Variants in TFDP2 observed in about 807,000 individuals in gnomAD.
TFDP2 encodes the protein transcription factor Dp-2 (E2F dimerization partner 2).
A neutral mutation model predicts 59.3 loss-of-function variants in TFDP2; 17 were observed. That is an observed-to-expected ratio of 0.29 (90% CI 0.20 to 0.43). TFDP2 has a LOEUF of 0.43. Ranked by LOEUF, TFDP2 falls within the 20% of genes least tolerant of loss-of-function variation. The pLI is 1.00. For synonymous variants in TFDP2, 180 were observed against 194.7 expected (o/e 0.92, Z 0.63); for missense variants, 391 against 528.8 (o/e 0.74, Z 2.56).
At chr3:142,094,748 C>G (rs955788539) in intron 2 of TFDP2, among the ~76,000 whole-genome samples, 1 of 152,070 alleles carries the variant, frequency 6.6e-6, no homozygotes, top group African/African-American at 2.4e-5. Flanking sequence ...AAATGATCAC[C>G]ACAGTCAAGC....
intron 11 of TFDP2, among the ~76,000 whole-genome samples, chr3:141,954,650 AC>A (rs1936356080): frequency 6.6e-6 from 1 of 152,070 alleles, no homozygotes; most frequent in East Asian, 1.9e-4. Flanking sequence ...AAACAAAAAA[AC>A]AAAAAAGTTA....
intron 3 of TFDP2, among the ~76,000 whole-genome samples, chr3:142,064,701 C>G (rs1204186985): frequency 1.3e-5 from 2 of 152,118 alleles, no homozygotes; most frequent in African/African-American, 2.4e-5. Flanking sequence ...ACAAGTGTCA[C>G]TGGATGTTAT....
At chr3:141,996,979 A>T (rs1943332091) in intron 4 of TFDP2, among the ~76,000 whole-genome samples, 1 of 152,212 alleles carries the variant, frequency 6.6e-6, no homozygotes, top group Non-Finnish European at 1.5e-5. Flanking sequence ...CTCATGAGAA[A>T]ACATAAAAAC....
chr3:142,088,767 T>C (rs2060897725), intron 3 of TFDP2, among the ~76,000 whole-genome samples: 1 of 151,798 alleles, frequency 6.6e-6, no homozygotes, highest in African/African-American at 2.4e-5. Context: ...TGAGCTACTG[T>C]GCCCAGACCA....
At chr3:142,112,538 G>C (rs1328513875) in intron 1 of TFDP2, among the ~76,000 whole-genome samples, 1 of 152,174 alleles carries the variant, frequency 6.6e-6, no homozygotes, top group Non-Finnish European at 1.5e-5. Context: ...TGGTAATAGG[G>C]AGCAAATGGG....
chr3:142,054,170 T>C (rs959234511), intron 3 of TFDP2: 1 of 152,208 alleles, frequency 6.6e-6, no homozygotes, highest in Non-Finnish European at 1.5e-5. Flanking sequence ...TGAAAACTTA[T>C]GTCAACACAT....
chr3:142,001,087 C>T (rs1943720304), intron 4 of TFDP2, among the ~76,000 whole-genome samples: 2 of 152,212 alleles, frequency 1.3e-5, no homozygotes, highest in African/African-American at 2.4e-5. Flanking sequence ...CTCCACCAAG[C>T]TTTGCCCTGG....
At chr3:142,055,993 G>A (rs577873425) in intron 3 of TFDP2, among the ~76,000 whole-genome samples, 10 of 111,242 alleles carry the variant, frequency 9.0e-5, no homozygotes, top group East Asian at 6.2e-4. Flanking sequence ...TCGCTCTGTC[G>A]CCCAGGCTGG....
intron 3 of TFDP2, among the ~76,000 whole-genome samples, chr3:142,053,002 G>A (rs537366271): frequency 2.0e-5 from 3 of 152,072 alleles, no homozygotes; most frequent in Admixed American, 6.5e-5. Context: ...TAGAGATGGG[G>A]TTTCACCGTG....
Position 141,974,138 on chromosome 3 carries a change from T to C in TFDP2, c.573A>G (p.Leu191=), listed in dbSNP as rs1288154094. ...CCTTTGAAATTATGTTCATTGCCAT[T>C]AGCACATTTAAAGCATCATAAACTC... is the stretch of plus-strand genomic sequence containing the variant. ...RRRVYDALNV[L]MAMNIISKEK... is the part of the protein sequence containing the mutation. Residue 191 remains leucine, a synonymous_variant, in exon 8 of 13, where the codon CTA becomes CTG. Coordinates refer to ENST00000489671, the MANE Select transcript of TFDP2 (RefSeq NM_001178139.2). 30 of 1,613,166 alleles carry C rather than the reference T, an allele frequency of 1.9e-5. No individual in the cohort carries two copies. Among genetic ancestry groups the C allele is most frequent in the Non-Finnish European group, 2.5e-5 (30 of 1,179,620 alleles).
At chr3:141,988,673 T>TC (rs1173622451) in intron 6 of TFDP2, among the ~76,000 whole-genome samples, 34 of 146,750 alleles carry the variant, frequency 2.3e-4, no homozygotes, top group Non-Finnish European at 3.9e-4. Flanking sequence ...TCTTTTCTTT[T>TC]TTTTTTTTTT....
At chr3:141,993,264 T>C (rs1272963817) in intron 6 of TFDP2, among the ~76,000 whole-genome samples, 10 of 152,070 alleles carry the variant, frequency 6.6e-5, no homozygotes, top group African/African-American at 2.2e-4. Context: ...GAGTATTCAC[T>C]TTGATAGAAC....
intron 1 of TFDP2, among the ~76,000 whole-genome samples, chr3:142,127,339 G>A (rs1305489657): frequency 2.4e-5 from 3 of 124,604 alleles, no homozygotes; most frequent in Admixed American, 1.0e-4. Flanking sequence ...ACAGAGTCTC[G>A]CTGTGTTGCC....
chr3:142,016,849 TCA>T (rs1277489507), intron 3 of TFDP2, among the ~76,000 whole-genome samples: 2 of 152,190 alleles, frequency 1.3e-5, no homozygotes, highest in African/African-American at 4.8e-5. Flanking sequence ...GCATCACATC[TCA>T]GTTAGCTTGA....
At chr3:141,967,920 ATGACTGTTGGCATGC>A (rs1191037119) in intron 9 of TFDP2, among the ~76,000 whole-genome samples, 1 of 152,160 alleles carries the variant, frequency 6.6e-6, no homozygotes, top group East Asian at 1.9e-4. Context: ...TGATAGGCAG[ATGACTGTTGGCATGC>A]TGATAAACAG....
intron 3 of TFDP2, among the ~76,000 whole-genome samples, chr3:142,018,110 T>C (rs1945283856): frequency 6.6e-6 from 1 of 152,034 alleles, no homozygotes; most frequent in Non-Finnish European, 1.5e-5. Context: ...GCTTGGCTAA[T>C]TTTTATACTT....
chr3:142,104,351 G>A (rs1560147939), intron 1 of TFDP2, among the ~76,000 whole-genome samples: 1 of 152,110 alleles, frequency 6.6e-6, no homozygotes, highest in East Asian at 1.9e-4. Flanking sequence ...AAGTTAAAAT[G>A]TTAAGTATTG....
chr3:142,001,994 T>C (rs1337713410), intron 4 of TFDP2, among the ~76,000 whole-genome samples: 1 of 148,124 alleles, frequency 6.8e-6, no homozygotes. Flanking sequence ...TGCCTGGTTT[T>C]TTTTTTTTTT....
At chr3:142,139,116 G>A (rs994102959) in intron 1 of TFDP2, among the ~76,000 whole-genome samples, 2 of 152,196 alleles carry the variant, frequency 1.3e-5, no homozygotes, top group South Asian at 2.1e-4. Flanking sequence ...GTACCACTGC[G>A]TAATGGCCTT....
Sources: gnomAD v4.1 joint callset for allele counts (sites outside exome capture counted in the v4.1 genomes callset) on GRCh38, gnomAD v4.1.1 for gene constraint, MANE v1.5 for transcripts, NCBI Gene and HGNC (gene_info 2026-07-23, HGNC 2026-07-21) for gene names.